Variants in PVT1 observed in about 807,000 individuals in gnomAD.
PVT1 encodes Pvt1 oncogene, also known as CXCR4/PVT1 fusion.
intron 4 of PVT1, among the ~76,000 whole-genome samples, chr8:128,004,876 C>CA (rs1164791514): frequency 6.6e-6 from 1 of 152,180 alleles, no homozygotes; most frequent in Non-Finnish European, 1.5e-5. Context: ...CACAGTGGCT[C>CA]ACGCCTGTAA....
intron 3 of PVT1, among the ~76,000 whole-genome samples, chr8:127,912,450 C>T (rs1815910013): frequency 6.6e-6 from 1 of 152,112 alleles, no homozygotes. Flanking sequence ...GATTGGAACC[C>T]AGGGAGAGAG....
chr8:127,845,632 C>G (rs1425454894), intron 2 of PVT1, among the ~76,000 whole-genome samples: 1 of 152,138 alleles, frequency 6.6e-6, no homozygotes, highest in South Asian at 2.1e-4. Flanking sequence ...TTCCACCTAC[C>G]GGATGGGATT....
intron 5 of PVT1, among the ~76,000 whole-genome samples, chr8:128,088,286 C>T (rs776565010): frequency 4.6e-5 from 7 of 152,118 alleles, no homozygotes; most frequent in Non-Finnish European, 1.0e-4. Flanking sequence ...ATGGGCTCAG[C>T]GCAGGGGCCA....
At chr8:127,824,622 T>C (rs1814767226) in intron 2 of PVT1, among the ~76,000 whole-genome samples, 1 of 152,264 alleles carries the variant, frequency 6.6e-6, no homozygotes, top group Non-Finnish European at 1.5e-5. Context: ...TTTTCTTTTT[T>C]TCTTTGCATA....
intron 3 of PVT1, among the ~76,000 whole-genome samples, chr8:127,965,730 G>A (rs1341325030): frequency 6.6e-6 from 1 of 152,190 alleles, no homozygotes; most frequent in Non-Finnish European, 1.5e-5. Flanking sequence ...GGGTGTCCGA[G>A]CCTCTGCCCT....
intron 3 of PVT1, among the ~76,000 whole-genome samples, chr8:127,933,572 G>A (rs1439200629): frequency 6.6e-6 from 1 of 152,204 alleles, no homozygotes; most frequent in Non-Finnish European, 1.5e-5. Context: ...CTGTGTACAG[G>A]GTGGGCAGGA....
intron 3 of PVT1, chr8:127,947,513 C>A (rs1017454522): frequency 2.2e-5 from 8 of 358,766 alleles, no homozygotes; most frequent in Non-Finnish European, 3.8e-5. Context: ...GCACACTGAG[C>A]CTGTAGGGAT....
chr8:127,915,991 C>A (rs1815980018), intron 3 of PVT1, among the ~76,000 whole-genome samples: 1 of 152,254 alleles, frequency 6.6e-6, no homozygotes, highest in Admixed American at 6.5e-5. Context: ...CAGTCAATCC[C>A]ACCCTGGCCA....
At chr8:127,923,980 G>A (rs1412754248) in intron 3 of PVT1, among the ~76,000 whole-genome samples, 2 of 152,208 alleles carry the variant, frequency 1.3e-5, no homozygotes, top group Non-Finnish European at 2.9e-5. Context: ...AATTGCTCGG[G>A]GCAGGAGACA....
chr8:128,043,836 T>TC (rs1563673935), intron 4 of PVT1, among the ~76,000 whole-genome samples: 2 of 148,132 alleles, frequency 1.4e-5, no homozygotes, highest in African/African-American at 5.0e-5. Flanking sequence ...TTGTCTTTTT[T>TC]TTTTTTTTTT....
chr8:127,817,477 G>A lies in PVT1; in HGVS notation n.372+21406G>A, dbSNP rs1186852592. ...CTTAGGGAAATATATATATATATAT[G>A]TGTGTGTGTGTGTGTATATACATAT... On this transcript the variant is annotated intron_variant and non_coding_transcript_variant, in intron 2 of 10. Coordinates refer to ENST00000651587, the Ensembl canonical transcript of PVT1. Among the ~76,000 whole-genome samples, 13 of 110,962 alleles carry A rather than the reference G, an allele frequency of 1.2e-4. 1 individual carries two copies. The highest frequency in any genetic ancestry group is 4.6e-3 in the Middle Eastern group (1 of 218). The allele number at this position is 110,962 out of a possible 152,430, so 72.8% of individuals were successfully genotyped here.
At chr8:128,043,092 G>A (rs1263165672) in intron 4 of PVT1, among the ~76,000 whole-genome samples, 1 of 152,166 alleles carries the variant, frequency 6.6e-6, no homozygotes, top group Non-Finnish European at 1.5e-5. Context: ...AAGGAGTGGG[G>A]ATGGGTCAAT....
At chr8:127,842,887 C>A (rs1165347863) in intron 2 of PVT1, among the ~76,000 whole-genome samples, 1 of 152,170 alleles carries the variant, frequency 6.6e-6, no homozygotes, top group South Asian at 2.1e-4. Context: ...TTGCCTAGTA[C>A]CCAACTTCCT....
intron 3 of PVT1, among the ~76,000 whole-genome samples, chr8:127,893,425 C>G (rs1006506155): frequency 6.6e-6 from 1 of 152,086 alleles, no homozygotes; most frequent in Non-Finnish European, 1.5e-5. Flanking sequence ...TACAGGCGTG[C>G]GCCACCATGC....
At chr8:128,001,920 C>G (rs148216751) in intron 4 of PVT1, among the ~76,000 whole-genome samples, 4 of 152,124 alleles carry the variant, frequency 2.6e-5, no homozygotes, top group Non-Finnish European at 4.4e-5. Context: ...TGGATCGCCT[C>G]CCAAAGCCCC....
intron 2 of PVT1, among the ~76,000 whole-genome samples, chr8:127,804,807 C>T (rs1035596082): frequency 6.6e-5 from 10 of 151,398 alleles, no homozygotes; most frequent in Admixed American, 1.3e-4. Flanking sequence ...GATCCCACCT[C>T]GGCTTCCCAA....
chr8:127,897,883 GAAA>G (rs1815704637), intron 3 of PVT1, among the ~76,000 whole-genome samples: 6 of 91,380 alleles, frequency 6.6e-5, no homozygotes, highest in African/African-American at 1.0e-4. Flanking sequence ...AAGAAAGAAA[GAAA>G]GAAAGAAAGA....
chr8:127,834,554 GC>G (rs1347397394), intron 2 of PVT1, among the ~76,000 whole-genome samples: 2 of 152,114 alleles, frequency 1.3e-5, no homozygotes, highest in East Asian at 1.9e-4. Flanking sequence ...GGCAACAAAA[GC>G]CAGAATTGAC....
intron 5 of PVT1, among the ~76,000 whole-genome samples, chr8:128,092,089 C>G (rs776380019): frequency 8.5e-5 from 13 of 152,182 alleles, no homozygotes; most frequent in Non-Finnish European, 1.6e-4. Context: ...TCCATCCCAC[C>G]TGGCGGGCCC....
Sources: allele counts gnomAD v4.1 joint callset (sites outside exome capture counted in the v4.1 genomes callset), GRCh38; gene constraint gnomAD v4.1.1; transcripts MANE v1.5; gene names NCBI Gene and HGNC (gene_info 2026-07-23, HGNC 2026-07-21).